DDX10: variants seen among roughly 807,000 people sequenced by gnomAD.
The protein encoded by DDX10 is probable ATP-dependent RNA helicase DDX10.
A neutral mutation model predicts 104.3 loss-of-function variants in DDX10; 74 were observed. That is an observed-to-expected ratio of 0.71 (90% CI 0.59 to 0.86). DDX10 has a LOEUF of 0.86. Ranked by LOEUF, DDX10 falls within the 40% of genes least tolerant of loss-of-function variation. The probability of loss-of-function intolerance (pLI) is 0.00; values close to 1 mark genes in which losing one functional copy is unlikely to be tolerated. For synonymous variants in DDX10, 351 were observed against 353.4 expected (o/e 0.99, Z 0.08); for missense variants, 952 against 1,040.0 (o/e 0.92, Z 1.16).
At chr11:108,760,878 G>T (rs1004946836) in intron 13 of DDX10, among the ~76,000 whole-genome samples, 2 of 151,838 alleles carry the variant, frequency 1.3e-5, no homozygotes, top group African/African-American at 2.4e-5. Context: ...TTCCTTTTCT[G>T]ATTGGCAGGG....
intron 13 of DDX10, among the ~76,000 whole-genome samples, chr11:108,736,423 G>T (rs1410359962): frequency 6.6e-6 from 1 of 152,096 alleles, no homozygotes; most frequent in East Asian, 1.9e-4. Flanking sequence ...GGGTTATCAT[G>T]GATGGGCGGG....
chr11:108,681,954 G>T (rs1030012842), intron 6 of DDX10, among the ~76,000 whole-genome samples: 2 of 151,684 alleles, frequency 1.3e-5, no homozygotes, highest in Middle Eastern at 3.4e-3. Context: ...TTTTGGTTTG[G>T]TTTTTTTGCC....
chr11:108,903,918 G>A (rs1045203577), intron 16 of DDX10, among the ~76,000 whole-genome samples: 5 of 152,086 alleles, frequency 3.3e-5, no homozygotes, highest in African/African-American at 1.2e-4. Flanking sequence ...TATGTATTAA[G>A]TTCTCTTGGG....
chr11:108,863,959 G>A (rs1233725373), intron 16 of DDX10, among the ~76,000 whole-genome samples: 4 of 151,184 alleles, frequency 2.6e-5, no homozygotes, highest in African/African-American at 7.4e-5. Flanking sequence ...TGAAAAATAC[G>A]AGGTCCAAAT....
intron 13 of DDX10, among the ~76,000 whole-genome samples, chr11:108,724,622 A>G (rs369568896): frequency 6.6e-6 from 1 of 152,224 alleles, no homozygotes; most frequent in South Asian, 2.1e-4. Flanking sequence ...AAATACAAGA[A>G]GTTAGATTTT....
intron 16 of DDX10, among the ~76,000 whole-genome samples, chr11:108,856,447 CAAAA>C (rs35955855): frequency 2.0e-5 from 3 of 148,644 alleles, no homozygotes; most frequent in Admixed American, 1.3e-4. Flanking sequence ...AACAAACAAA[CAAAA>C]AAAACCACCA....
At chr11:108,720,505 A>G (rs1031393885) in intron 12 of DDX10, among the ~76,000 whole-genome samples, 10 of 152,178 alleles carry the variant, frequency 6.6e-5, no homozygotes, top group Non-Finnish European at 1.3e-4. Context: ...ACTCATAGTT[A>G]CTATGGCAAG....
At chr11:108,922,464 A>G (rs1358473845) in intron 17 of DDX10, among the ~76,000 whole-genome samples, 1 of 152,114 alleles carries the variant, frequency 6.6e-6, no homozygotes, top group Non-Finnish European at 1.5e-5. Context: ...CATGAGTAAC[A>G]CTTTTGTTTC....
At chr11:108,846,432 C>G (rs899332682) in intron 15 of DDX10, among the ~76,000 whole-genome samples, 2 of 152,194 alleles carry the variant, frequency 1.3e-5, no homozygotes, top group Admixed American at 1.3e-4. Context: ...CCCCTGCAAG[C>G]CTTCCACCCA....
chr11:108,798,145 G>A lies in DDX10; in HGVS notation c.1966-40301G>A, dbSNP rs550884583. ...TGATTGTATCATTTTGCCCCTAAAC[G>A]TTCAATACTTACAGAAGAAAGGACT... On this transcript the variant is annotated intron_variant, in intron 13 of 17. Coordinates refer to ENST00000322536, the MANE Select transcript of DDX10 (RefSeq NM_004398.4). 3.1e-4 allele frequency among the ~76,000 whole-genome samples: 47 copies of A among 151,844 alleles called. 1 individual carries two copies. The highest frequency in any genetic ancestry group is 6.0e-4 in the Non-Finnish European group (41 of 67,996).
intron 12 of DDX10, among the ~76,000 whole-genome samples, chr11:108,721,840 C>T (rs371701816): frequency 2.0e-5 from 3 of 152,162 alleles, no homozygotes; most frequent in East Asian, 1.9e-4. Flanking sequence ...TGTACTGCTG[C>T]CTTCAATAAA....
intron 9 of DDX10, among the ~76,000 whole-genome samples, chr11:108,701,474 A>G (rs2134456967): frequency 6.6e-6 from 1 of 152,294 alleles, no homozygotes; most frequent in Non-Finnish European, 1.5e-5. Flanking sequence ...AGCAGTGACT[A>G]GCATATCAGT....
rs538102360 is a variant in DDX10, at chr11:108,719,702, A to G, written c.1411-95A>G. ...AACTATTTCGTGGTTTTTCAGTACT[A>G]TTGAATTTATCCCATTGGCTAATTT... On this transcript the variant is annotated intron_variant, in intron 11 of 17. Coordinates refer to ENST00000322536, the MANE Select transcript of DDX10 (RefSeq NM_004398.4). The G allele has an allele frequency of 1.6e-5, 11 of 697,996 alleles. No individual in the cohort carries two copies. In the African/African-American group the frequency reaches 2.0e-4, roughly 13 times the overall value. 43.2% of individuals were successfully genotyped at this position (697,996 alleles called of 1,614,324 possible).
chr11:108,666,870 A>G lies in DDX10; in HGVS notation c.186+1531A>G, dbSNP rs79914223. ...GTAACATTCATCCCTTCCAGAAGTT[A>G]ATACATGGACATGAGTTGGGATCAT... On this transcript the variant is annotated intron_variant, in intron 1 of 17. Coordinates refer to ENST00000322536, the MANE Select transcript of DDX10 (RefSeq NM_004398.4). Among the ~76,000 whole-genome samples, 513 of 152,330 alleles carry G rather than the reference A, an allele frequency of 3.4e-3. 2 individuals carry two copies. Among genetic ancestry groups the G allele is most frequent in the South Asian group, 0.012 (57 of 4,826 alleles).
In DDX10 at chr11:108,933,435, A is replaced by T. The variant is rs186856216; in HGVS notation, c.2451-6811A>T. ...TTGGTCAAAAGAGAGTATCTTTGTC[A>T]GTACTTCATTGAGGGTTAAGGTTTT... is the stretch of plus-strand genomic sequence containing the variant. On this transcript the variant is annotated intron_variant, in intron 17 of 17. Coordinates refer to ENST00000322536, the MANE Select transcript of DDX10 (RefSeq NM_004398.4). Among the ~76,000 whole-genome samples, 5 of 152,316 alleles carry T rather than the reference A, an allele frequency of 3.3e-5. No homozygotes were observed. The East Asian group carries it at 9.6e-4, about 29-fold the overall frequency.
chr11:108,688,088 TGGCTGTG>T (rs2094247190), intron 6 of DDX10, among the ~76,000 whole-genome samples: 4 of 152,244 alleles, frequency 2.6e-5, no homozygotes, highest in Non-Finnish European at 5.9e-5. Flanking sequence ...TTAATGTATG[TGGCTGTG>T]TAATTGTTCA....
At chr11:108,909,527 C>T (rs1184733046) in intron 16 of DDX10, among the ~76,000 whole-genome samples, 1 of 151,760 alleles carries the variant, frequency 6.6e-6, no homozygotes, top group Admixed American at 6.6e-5. Context: ...CTGGCTGTTT[C>T]TGAGTTTAGG....
chr11:108,787,141 A>C (rs987869291), intron 13 of DDX10, among the ~76,000 whole-genome samples: 2 of 152,030 alleles, frequency 1.3e-5, no homozygotes, highest in African/African-American at 4.8e-5. Context: ...GCTGTAATTT[A>C]TTTTCTTTAA....
chr11:108,802,559 T>C (rs910515970), intron 13 of DDX10, among the ~76,000 whole-genome samples: 2 of 152,240 alleles, frequency 1.3e-5, no homozygotes, highest in Non-Finnish European at 2.9e-5. Context: ...CATTTCTCTC[T>C]TCTGGTTCTA....
Sources: allele counts gnomAD v4.1 joint callset (sites outside exome capture counted in the v4.1 genomes callset), GRCh38; gene constraint gnomAD v4.1.1; transcripts MANE v1.5; gene names NCBI Gene and HGNC (gene_info 2026-07-23, HGNC 2026-07-21).